Variants in DNAH9 observed in about 807,000 individuals in gnomAD.
DNAH9 encodes the protein dynein axonemal heavy chain 9.
A neutral mutation model predicts 471.6 loss-of-function variants in DNAH9; 345 were observed. The ratio of observed to expected loss-of-function variants is 0.73; its 90% CI spans 0.67 to 0.80. The LOEUF (loss-of-function observed/expected upper bound fraction) is 0.80, where lower values mean the gene tolerates loss of function less well. Ranked by LOEUF, DNAH9 falls within the 30% of genes least tolerant of loss-of-function variation. The pLI is 0.00. For synonymous variants in DNAH9, 2,093 were observed against 2,123.6 expected, an observed-to-expected ratio of 0.99 and a Z score of 0.40; for missense variants, 5,407 against 5,609.2, an observed-to-expected ratio of 0.96 and a Z score of 1.15.
In DNAH9 at chr17:11,642,877, A is replaced by G. The variant is rs1361969810; in HGVS notation, c.1902-1754A>G. 2.6e-5 allele frequency among the ~76,000 whole-genome samples: 4 copies of G among 151,354 alleles called. No individual in the cohort carries two copies. In the East Asian group the frequency reaches 8.0e-4, roughly 30 times the overall value. On this transcript the variant is annotated intron_variant, in intron 10 of 68. Transcript: ENST00000262442. ...TGGCAGATGCATCTGCTCTTTCATC[A>G]CAAACGTGGACTGAGTAATCAGGGG...
chr17:11,869,618 G>A (rs772695749), intron 51 of DNAH9, among the ~76,000 whole-genome samples: 2 of 152,260 alleles, frequency 1.3e-5, no homozygotes, highest in Admixed American at 1.3e-4. Flanking sequence ...CATTATAAGG[G>A]TGTGGCCAAG....
chr17:11,690,434 CAGGTACCTGCTA>C lies in DNAH9; in HGVS notation c.4614+2_4614+13del. ...TGAAGATATTCGGGCACAGCTACCC[CAGGTACCTGCTA>C]AGGAAATCTAGAATCTCTCTATTCT... On this transcript the variant is annotated splice_donor_variant and splice_donor_5th_base_variant and coding_sequence_variant and intron_variant, in exon 20 of 69. Coordinates refer to ENST00000262442, the MANE Select transcript of DNAH9 (RefSeq NM_001372.4). LOFTEE classifies it high-confidence loss of function. The C allele has an allele frequency of 4.3e-6, 7 of 1,611,942 alleles. No homozygotes were observed. Among genetic ancestry groups the C allele is most frequent in the Non-Finnish European group, 5.9e-6 (7 of 1,178,456 alleles).
chr17:11,679,649 G>A, intron 17 of DNAH9, 108 bp from the exon 18 acceptor site: 4 of 788,840 alleles, frequency 5.1e-6, no homozygotes, highest in South Asian at 4.7e-5. Context: ...TGTTGGGCAT[G>A]TGGTAGGATT....
chr17:11,967,114 GTTTTT>G (rs148433205), intron 68 of DNAH9, among the ~76,000 whole-genome samples: 3 of 144,190 alleles, frequency 2.1e-5, no homozygotes, highest in Non-Finnish European at 4.5e-5. Flanking sequence ...TTTGTTTTTT[GTTTTT>G]TTTAAGACTA....
intron 6 of DNAH9, among the ~76,000 whole-genome samples, chr17:11,628,129 T>C (rs1156488281): frequency 6.6e-6 from 1 of 152,238 alleles, no homozygotes; most frequent in African/African-American, 2.4e-5. Context: ...TCATCTTTCC[T>C]GCCTAAGGAA....
intron 6 of DNAH9, 158 bp downstream of exon 6, chr17:11,619,939 GGCTCAT>G (rs1180444393): frequency 2.0e-5 from 12 of 604,316 alleles, no homozygotes; most frequent in African/African-American, 3.7e-5. Context: ...CAGTCACAGT[GGCTCAT>G]GCCTGTAATC....
intron 56 of DNAH9, chr17:11,884,494 C>T: frequency 2.2e-6 from 1 of 451,812 alleles, no homozygotes; most frequent in South Asian, 1.6e-5. Flanking sequence ...GTAACAGTGT[C>T]CAGGAACAAT....
chr17:11,628,550 G>T (rs2073009566), intron 6 of DNAH9, among the ~76,000 whole-genome samples: 1 of 152,200 alleles, frequency 6.6e-6, no homozygotes, highest in Admixed American at 6.5e-5. Flanking sequence ...CTGGCGGCAG[G>T]GTGTAACATC....
At chr17:11,689,377 T>C (rs2074293919) in intron 19 of DNAH9, among the ~76,000 whole-genome samples, 189 bp from the exon 20 acceptor site, 1 of 151,960 alleles carries the variant, frequency 6.6e-6, no homozygotes, top group South Asian at 2.1e-4. Flanking sequence ...TTTTTTTTTT[T>C]TTCCCAAAAG....
At chr17:11,643,955 G>A (rs185094213) in intron 10 of DNAH9, among the ~76,000 whole-genome samples, 56 of 152,290 alleles carry the variant, frequency 3.7e-4, no homozygotes, top group African/African-American at 1.2e-3. Flanking sequence ...AAAATGGTAC[G>A]CTTGTGTAGG....
intron 41 of DNAH9, among the ~76,000 whole-genome samples, chr17:11,790,122 T>G (rs1363673742): frequency 9.8e-6 from 1 of 102,382 alleles, no homozygotes; most frequent in Non-Finnish European, 1.8e-5. Flanking sequence ...ATGTGCAGGG[T>G]TTTTTTTTAA....
At chr17:11,622,968 C>CTTTTTTTTTTT (rs10551080) in intron 6 of DNAH9, among the ~76,000 whole-genome samples, 10 of 105,372 alleles carry the variant, frequency 9.5e-5, no homozygotes, top group African/African-American at 1.1e-4. Flanking sequence ...TTTTCTTTTT[C>CTTTTTTTTTTT]TTTTTTTTTT....
intron 62 of DNAH9, among the ~76,000 whole-genome samples, chr17:11,928,113 T>G (rs62061994): frequency 1.4e-5 from 2 of 145,590 alleles, no homozygotes; most frequent in Non-Finnish European, 3.1e-5. Context: ...ATTTATTTAT[T>G]TATTTATTTA....
At chr17:11,730,953 GA>G (rs1346921665) in intron 28 of DNAH9, among the ~76,000 whole-genome samples, 25 of 149,800 alleles carry the variant, frequency 1.7e-4, no homozygotes, top group Non-Finnish European at 3.1e-4. Flanking sequence ...TGATGATGAT[GA>G]TGGTGGTGGT....
intron 19 of DNAH9, among the ~76,000 whole-genome samples, chr17:11,681,500 T>C (rs2074132615): frequency 6.6e-6 from 1 of 152,214 alleles, no homozygotes; most frequent in African/African-American, 2.4e-5. Flanking sequence ...TCTGGTCCAC[T>C]GCTCAGCATC....
chr17:11,690,457 G>GA (rs1286000031), intron 20 of DNAH9, 21 bp downstream of exon 20: 1 of 1,604,596 alleles, frequency 6.2e-7, no homozygotes, highest in Non-Finnish European at 8.5e-7. Context: ...AGGAAATCTA[G>GA]AATCTCTCTA....
rs2072976342 is a variant in DNAH9, at chr17:11,626,688, A to G, written c.1351-2729A>G. 1.3e-5 allele frequency among the ~76,000 whole-genome samples: 2 copies of G among 152,150 alleles called. No homozygotes were observed. The highest frequency in any genetic ancestry group is 4.1e-4 in the South Asian group (2 of 4,820). ...ACTCATTTGCCTTCATTCTGCCTTCACTGTAGCACCAGGGAAGGTTCCCCC... is the reference window on the plus strand; with the variant it reads ...ACTCATTTGCCTTCATTCTGCCTTCGCTGTAGCACCAGGGAAGGTTCCCCC... On this transcript the variant is annotated intron_variant, in intron 6 of 68. Coordinates refer to ENST00000262442, the MANE Select transcript of DNAH9 (RefSeq NM_001372.4). This position sits in a 1 kb window ranked among gnomAD's most constrained non-coding sequence, Gnocchi z 4.3.
chr17:11,666,767 G>A (rs2073876314), intron 15 of DNAH9, among the ~76,000 whole-genome samples: 1 of 152,146 alleles, frequency 6.6e-6, no homozygotes, highest in African/African-American at 2.4e-5. Context: ...CCTGGAAAAT[G>A]GTAAAGCCAC....
chr17:11,872,782 T>C (rs959998147), intron 52 of DNAH9, among the ~76,000 whole-genome samples: 1 of 151,952 alleles, frequency 6.6e-6, no homozygotes, highest in African/African-American at 2.4e-5. Context: ...TAGCCGGGCA[T>C]GGTGGCGGGC....
Sources: allele counts gnomAD v4.1 joint callset (sites outside exome capture counted in the v4.1 genomes callset), GRCh38; gene constraint gnomAD v4.1.1; non-coding constraint Gnocchi (gnomAD v3.1); transcripts MANE v1.5; gene names NCBI Gene and HGNC (gene_info 2026-07-23, HGNC 2026-07-21).